The following SLC24A5 variants were observed in gnomAD, a reference collection of about 807,000 sequenced individuals.
The protein encoded by SLC24A5 is sodium/potassium/calcium exchanger 5.
Under a neutral mutation model 51.6 loss-of-function variants are expected in SLC24A5, and 46 were observed. The observed-to-expected ratio is 0.89, with a 90% CI of 0.70 to 1.14. SLC24A5 has a LOEUF of 1.14. Among genes scored for constraint, SLC24A5 ranks in the 50% most tolerant of loss-of-function variants. The pLI, the probability that SLC24A5 is intolerant of heterozygous loss-of-function variation, is 0.00. For missense variants in SLC24A5, 581 were observed against 604.1 expected, an observed-to-expected ratio of 0.96 and a Z score of 0.40; for synonymous variants, 230 against 214.9, an observed-to-expected ratio of 1.07 and a Z score of -0.62.
Position 48,125,158 on chromosome 15 carries a change from A to G in SLC24A5, c.301+3122A>G, listed in dbSNP as rs995571583. On this transcript the variant is annotated intron_variant, in intron 2 of 8. Transcript: ENST00000341459. The stretch of plus-strand genomic sequence containing the variant: ...TTTGTCAACTAATAGTTATCAACAT[A>G]ACCCTCAAAACAGTTTACTAAAGTA... 2.4e-4 allele frequency among the ~76,000 whole-genome samples: 37 copies of G among 152,054 alleles called. 1 individual carries two copies. The highest frequency in any genetic ancestry group is 8.9e-4 in the African/African-American group (37 of 41,432).
chr15:48,121,231 T>TGAA, intron 1 of SLC24A5, 66 bp downstream of exon 1: 5 of 1,504,882 alleles, frequency 3.3e-6, no homozygotes, highest in African/African-American at 1.4e-5. Context: ...CACATACAGA[T>TGAA]GAAGGGACAA....
At position 48,134,893 on chromosome 15, in the gene SLC24A5, C is replaced by T; in HGVS notation, c.499C>T (p.Leu167=). Residue 167 remains leucine (L), a synonymous_variant, in exon 5 of 9, where the codon CTA becomes TTA. Transcript: ENST00000341459. ...ACTTACCATATTACAGGTCTCAACA[C>T]TATCATGTTGGCCCCTATTCAGAGA... is the stretch of plus-strand genomic sequence containing the variant. ...CGLLSNTVST[L]SCWPLFRDCA... The T allele has an allele frequency of 1.2e-6, 2 of 1,609,078 alleles. No homozygotes were observed. The highest frequency in any genetic ancestry group is 8.5e-7 in the Non-Finnish European group (1 of 1,176,582).
At position 48,138,697 on chromosome 15, in the gene SLC24A5, C is replaced by T; in HGVS notation, c.872-272C>T. On this transcript the variant is annotated intron_variant, in intron 6 of 8. Coordinates refer to ENST00000341459, the MANE Select transcript of SLC24A5 (RefSeq NM_205850.3). ...CCAATTGACACTTCATAAACACTAT[C>T]TACAATATATTTAACGAATGGCCCA... is the stretch of plus-strand genomic sequence containing the variant. The T allele has an allele frequency of 8.6e-6, 3 of 348,216 alleles. No homozygotes were observed. In the East Asian group the frequency reaches 1.6e-4, roughly 19 times the overall value. 21.6% of individuals were successfully genotyped at this position (348,216 alleles called of 1,614,324 possible). A position where few individuals can be genotyped will look rare whatever the true frequency, so the allele number is the denominator to read the frequency against.
chr15:48,129,834 C>T (rs926401718), intron 2 of SLC24A5, among the ~76,000 whole-genome samples: 1 of 151,704 alleles, frequency 6.6e-6, no homozygotes, highest in African/African-American at 2.4e-5. Context: ...AAGATAATAC[C>T]TTAAAGATTG....
chr15:48,141,952 GT>G, intron 8 of SLC24A5, 76 bp from the exon 9 acceptor site: 1 of 1,102,308 alleles, frequency 9.1e-7, no homozygotes. Flanking sequence ...AGTATCCAGT[GT>G]TTCTTTTCTT....
intron 2 of SLC24A5, among the ~76,000 whole-genome samples, chr15:48,126,560 G>A (rs2038733762): frequency 6.6e-6 from 1 of 152,192 alleles, no homozygotes; most frequent in Non-Finnish European, 1.5e-5. Context: ...GATCAGAAGA[G>A]GAGCATTATC....
chr15:48,142,634 A>T lies in SLC24A5; in HGVS notation c.*283A>T. The T allele has an allele frequency of 2.2e-6, 1 of 449,128 alleles. No homozygotes were observed. Among genetic ancestry groups the T allele is most frequent in the South Asian group, 4.5e-5 (1 of 22,310 alleles). 27.8% of individuals were successfully genotyped at this position (449,128 alleles called of 1,614,324 possible). On this transcript the variant is annotated 3_prime_UTR_variant, in exon 9 of 9. Transcript: ENST00000341459. ...CTAGAACAAACAAATCCAACTATGT[A>T]GTACTGAAAACAACAAGAAAATGGC...
rs77331595 is a variant in SLC24A5, at chr15:48,125,874, G to A, written c.301+3838G>A. Among the ~76,000 whole-genome samples the A allele has an allele frequency of 0.012, 1,752 of 152,244 alleles. 137 individuals carry two copies. In the East Asian group the frequency reaches 0.21, roughly 19 times the overall value. On this transcript the variant is annotated intron_variant, in intron 2 of 8. Coordinates refer to ENST00000341459, the MANE Select transcript of SLC24A5 (RefSeq NM_205850.3). ...AGTTCCAACCTAGAATACAATGGAA[G>A]GATTGGCAGGCCCCTGTCCCACCCC...
rs1597255055 is a variant in SLC24A5, at chr15:48,132,253, CTTTA to C, written c.302-2004_302-2001del. On this transcript the variant is annotated intron_variant, in intron 2 of 8. Transcript: ENST00000341459. ...GCATACAAATGACTCATTTCAAGGTCTTTAGTTACCTTCTCAATTAAGTCCTTTC... is the reference window on the plus strand; with the variant it reads ...GCATACAAATGACTCATTTCAAGGTCGTTACCTTCTCAATTAAGTCCTTTC... Among the ~76,000 whole-genome samples, 4 of 152,236 alleles carry C rather than the reference CTTTA, an allele frequency of 2.6e-5. No individual in the cohort carries two copies. In the East Asian group the frequency reaches 7.7e-4, roughly 29 times the overall value.
chr15:48,135,621 T>C (rs2038876042), intron 5 of SLC24A5: 1 of 152,110 alleles, frequency 6.6e-6, no homozygotes, highest in Non-Finnish European at 1.5e-5. Context: ...CTTCTCACTA[T>C]GCTAGATATC....
intron 2 of SLC24A5, chr15:48,123,727 G>A (rs971378905): frequency 3.3e-5 from 5 of 152,148 alleles, no homozygotes; most frequent in African/African-American, 1.2e-4. Flanking sequence ...AAGAGGCAGA[G>A]ATGTGGATAT....
At chr15:48,129,009 T>C (rs142039743) in intron 2 of SLC24A5, among the ~76,000 whole-genome samples, 1 of 152,214 alleles carries the variant, frequency 6.6e-6, no homozygotes, top group African/African-American at 2.4e-5. Flanking sequence ...ATGAAGTAAT[T>C]GTTAGGTTTG....
chr15:48,134,060 C>G (rs1946833389), intron 2 of SLC24A5, among the ~76,000 whole-genome samples, 198 bp from the exon 3 acceptor site: 1 of 152,060 alleles, frequency 6.6e-6, no homozygotes, highest in South Asian at 2.1e-4. Context: ...CTGGCCTTCC[C>G]TCACCCTTTC....
At chr15:48,141,059 A>C (rs1250034771) in intron 7 of SLC24A5, 54 bp from the exon 8 acceptor site, 3 of 1,401,234 alleles carry the variant, frequency 2.1e-6, no homozygotes, top group Non-Finnish European at 3.0e-6. Flanking sequence ...ATAACTGCAA[A>C]GGATGGTTAG....
chr15:48,134,325 A>T lies in SLC24A5; in HGVS notation c.369A>T (p.Leu123Phe). 1 of 1,613,618 alleles carries T rather than the reference A, an allele frequency of 6.2e-7. No homozygotes were observed. Among genetic ancestry groups the T allele is most frequent in the African/African-American group, 1.3e-5 (1 of 74,986 alleles). Residue 123 changes from leucine (L) to phenylalanine (F), a missense_variant, in exon 3 of 9, where the codon TTA becomes TTT. By Grantham distance (22) the Leu-to-Phe change is conservative (BLOSUM62 0). Coordinates refer to ENST00000341459, the MANE Select transcript of SLC24A5 (RefSeq NM_205850.3). Reference sequence around the variant, plus strand: ...CAGCGGGCAGTTCAGCTCCTGAATTAGTTACTGCTTTCCTAGGTAAATATT... The same window carrying T: ...CAGCGGGCAGTTCAGCTCCTGAATTTGTTACTGCTTTCCTAGGTAAATATT... ...FMAAGSSAPE[L>F]VTAFLGVFIT... is the part of the protein sequence containing the mutation.
intron 6 of SLC24A5, 58 bp from the exon 7 acceptor site, chr15:48,138,911 T>A: frequency 7.7e-7 from 1 of 1,306,666 alleles, no homozygotes; most frequent in South Asian, 1.3e-5. Flanking sequence ...TAAATAGGCA[T>A]TTCTAACTTA....
chr15:48,129,200 A>G (rs1365674196), intron 2 of SLC24A5, among the ~76,000 whole-genome samples: 1 of 152,080 alleles, frequency 6.6e-6, no homozygotes, highest in Non-Finnish European at 1.5e-5. Context: ...ACAAAATATG[A>G]GTTGGTAAAT....
intron 6 of SLC24A5, chr15:48,137,248 T>G (rs1024709659): frequency 3.3e-6 from 1 of 305,376 alleles, no homozygotes; most frequent in Non-Finnish European, 6.0e-6. Flanking sequence ...ATAGGAGATT[T>G]TCACAGAGAA....
At chr15:48,130,989 T>A (rs2038784188) in intron 2 of SLC24A5, among the ~76,000 whole-genome samples, 1 of 152,176 alleles carries the variant, frequency 6.6e-6, no homozygotes, top group Admixed American at 6.6e-5. Flanking sequence ...GCAATCCATG[T>A]GACATTATTT....
Sources: allele counts gnomAD v4.1 joint callset (sites outside exome capture counted in the v4.1 genomes callset), GRCh38; gene constraint gnomAD v4.1.1; transcripts MANE v1.5; gene names NCBI Gene and HGNC (gene_info 2026-07-23, HGNC 2026-07-21).